NPM1: variants seen among roughly 807,000 people sequenced by gnomAD.
The protein encoded by NPM1 is nucleophosmin 1, also known as nucleophosmin.
NPM1 carries 1 observed loss-of-function variant against 44.1 expected under a neutral mutation model. That is an observed-to-expected ratio of 0.02 (90% CI 0.01 to 0.11). The LOEUF is 0.11. NPM1 is among the 10% of genes least tolerant of loss of function. The pLI is 1.00. For synonymous variants in NPM1, 126 were observed against 111.8 expected (o/e 1.13, Z -0.80); for missense variants, 197 against 347.8 (o/e 0.57, Z 3.45).
intron 8 of NPM1, among the ~76,000 whole-genome samples, chr5:171,404,096 A>C (rs1463511652): frequency 5.7e-5 from 3 of 52,588 alleles, no homozygotes; most frequent in African/African-American, 8.9e-5. Flanking sequence ...TGACCCCCCC[A>C]CCTCCCTCCC....
chr5:171,387,480 G>A (rs1428074960), upstream of NPM1, among the ~76,000 whole-genome samples: 5 of 152,212 alleles, frequency 3.3e-5, no homozygotes, highest in African/African-American at 4.8e-5. Context: ...ACACAGCTAA[G>A]GGCTGCCGAC....
At chr5:171,387,848 C>G (rs555371632), upstream of NPM1, 3 of 1,124,512 alleles carry the variant, frequency 2.7e-6, no homozygotes, top group Non-Finnish European at 4.0e-6. Context: ...GAGCCTGCGT[C>G]CTTTCCCTGG....
At chr5:171,391,542 G>A in intron 3 of NPM1, 118 bp downstream of exon 3, 1 of 1,322,654 alleles carries the variant, frequency 7.6e-7, no homozygotes, top group East Asian at 2.3e-5. Flanking sequence ...TTCTGTCACT[G>A]GAGTTCGATG....
At chr5:171,405,603 A>G in intron 9 of NPM1, 200 bp downstream of exon 9, 1 of 568,454 alleles carries the variant, frequency 1.8e-6, no homozygotes, top group Non-Finnish European at 3.1e-6. Context: ...TGCAAAATTA[A>G]ATATGCCTTA....
chr5:171,387,535 G>A, upstream of NPM1: 9 of 216,178 alleles, frequency 4.2e-5, no homozygotes, highest in South Asian at 3.3e-4. Context: ...CGGGAGGCCG[G>A]CGCGCTTGAG....
chr5:171,392,856 T>G, intron 5 of NPM1, 40 bp downstream of exon 5: 1 of 1,613,124 alleles, frequency 6.2e-7, no homozygotes, highest in Non-Finnish European at 8.5e-7. Flanking sequence ...GTATTATAGC[T>G]TTTAGTTTGG....
intron 8 of NPM1, among the ~76,000 whole-genome samples, chr5:171,402,969 TTTTA>T (rs752841058): frequency 0.021 from 2,536 of 118,082 alleles, 57 homozygotes; most frequent in African/African-American, 0.051. Context: ...TTTTTTTTCA[TTTTA>T]TTTATTTATT....
intron 6 of NPM1, among the ~76,000 whole-genome samples, chr5:171,398,272 T>G (rs897618799): frequency 1.3e-5 from 2 of 152,234 alleles, no homozygotes. Flanking sequence ...AAGAAATCAT[T>G]GCTAAATTCA....
intron 6 of NPM1, among the ~76,000 whole-genome samples, chr5:171,398,907 T>C (rs1282082814): frequency 6.6e-6 from 1 of 152,232 alleles, no homozygotes; most frequent in Non-Finnish European, 1.5e-5. Flanking sequence ...TCACCCAGGC[T>C]GTAGCACAGT....
intron 8 of NPM1, among the ~76,000 whole-genome samples, chr5:171,402,702 G>C (rs1488468501): frequency 7.2e-6 from 1 of 139,524 alleles, no homozygotes; most frequent in Admixed American, 7.3e-5. Flanking sequence ...TGGATCATGG[G>C]GTAGATTTCC....
chr5:171,392,674 C>T lies in NPM1; in HGVS notation c.353-36C>T, dbSNP rs766158266. On this transcript the variant is annotated intron_variant, in intron 4 of 10. Coordinates refer to ENST00000296930, the MANE Select transcript of NPM1 (RefSeq NM_002520.7). ...TCTTTTTTTTTCTGACTTCTTGCTG[C>T]TTGAGTTTTATAATGTCTAATAAAT... 5.1e-6 allele frequency: 7 copies of T among 1,379,960 alleles called. No individual in the cohort carries two copies. The South Asian group carries it at 6.4e-5, about 13-fold the overall frequency. 85.5% of individuals were successfully genotyped at this position (1,379,960 alleles called of 1,614,324 possible).
chr5:171,402,952 C>CT (rs560900151), intron 8 of NPM1, among the ~76,000 whole-genome samples: 19,771 of 91,848 alleles, frequency 0.22, 2,439 homozygotes, highest in Middle Eastern at 0.3. Context: ...TCAGGTAGTT[C>CT]TTTTTTTTTT....
At chr5:171,391,619 T>C in intron 3 of NPM1, 87 bp from the exon 4 acceptor site, 1 of 1,130,540 alleles carries the variant, frequency 8.8e-7, no homozygotes, top group Non-Finnish European at 1.3e-6. Flanking sequence ...GGTTCACTGG[T>C]TTGTTGATTT....
intron 1 of NPM1, 48 bp from the exon 2 acceptor site, chr5:171,390,003 C>T (rs1770490290): frequency 8.8e-7 from 1 of 1,130,434 alleles, no homozygotes; most frequent in Non-Finnish European, 1.3e-6. Context: ...ACTTAAGTTT[C>T]AGTGTTATTT....
intron 9 of NPM1, chr5:171,406,356 C>T (rs2113281652): frequency 6.4e-7 from 1 of 1,565,294 alleles, no homozygotes; most frequent in African/African-American, 1.3e-5. Context: ...TGCCCCTCCC[C>T]TCCATTTTAA....
chr5:171,391,655 T>C, intron 3 of NPM1, 51 bp from the exon 4 acceptor site: 1 of 1,307,714 alleles, frequency 7.6e-7, no homozygotes, highest in Non-Finnish European at 1.1e-6. Context: ...CTGTAATGTT[T>C]ATTGTTCATT....
At chr5:171,404,423 G>C (rs1419563408) in intron 8 of NPM1, among the ~76,000 whole-genome samples, 1 of 85,170 alleles carries the variant, frequency 1.2e-5, no homozygotes, top group Non-Finnish European at 2.4e-5. Flanking sequence ...CTCAGACGGG[G>C]CGGCCAGGCA....
chr5:171,405,122 TAAAGG>T (rs1771493814), intron 8 of NPM1, among the ~76,000 whole-genome samples, 175 bp from the exon 9 acceptor site: 1 of 152,102 alleles, frequency 6.6e-6, no homozygotes, highest in South Asian at 2.1e-4. Context: ...ATTCCTTCCT[TAAAGG>T]AAAGATTTTA....
chr5:171,396,372 G>A (rs1414919238), intron 6 of NPM1, among the ~76,000 whole-genome samples: 1 of 152,158 alleles, frequency 6.6e-6, no homozygotes, highest in South Asian at 2.1e-4. Context: ...TTTAAAAAAA[G>A]CATTCTCATC....
Sources: allele counts gnomAD v4.1 joint callset (sites outside exome capture counted in the v4.1 genomes callset), GRCh38; gene constraint gnomAD v4.1.1; transcripts MANE v1.5; gene names NCBI Gene and HGNC (gene_info 2026-07-23, HGNC 2026-07-21).